XCR1: variants seen among roughly 807,000 people sequenced by gnomAD.
XCR1 encodes chemokine XC receptor 1.
For synonymous variants in XCR1, 187 were observed against 188.5 expected (o/e 0.99, Z 0.06); for missense variants, 356 against 424.2 (o/e 0.84, Z 1.41).
At chr3:46,064,201 C>G (rs1441016845) in intron 4 of XCR1, among the ~76,000 whole-genome samples, 1 of 152,088 alleles carries the variant, frequency 6.6e-6, no homozygotes, top group Non-Finnish European at 1.5e-5. Flanking sequence ...ATAATAATAC[C>G]AGTATTCAAC....
intron 5 of XCR1, among the ~76,000 whole-genome samples, chr3:46,047,111 G>T (rs1247639610): frequency 6.6e-6 from 1 of 152,168 alleles, no homozygotes; most frequent in Non-Finnish European, 1.5e-5. Context: ...GCCACACTTG[G>T]TAGGCTGTGT....
chr3:46,047,046 G>A (rs1697647558), intron 5 of XCR1, among the ~76,000 whole-genome samples: 3 of 152,302 alleles, frequency 2.0e-5, no homozygotes, highest in Middle Eastern at 6.8e-3. Context: ...TAGAACCGTG[G>A]ATTTCAACAT....
chr3:46,084,154 C>A (rs770177776), intron 1 of XCR1, among the ~76,000 whole-genome samples: 7 of 152,136 alleles, frequency 4.6e-5, no homozygotes, highest in Non-Finnish European at 1.0e-4. Flanking sequence ...CCTGATTCAG[C>A]TTTTTGGTGC....
upstream of XCR1, among the ~76,000 whole-genome samples, chr3:46,031,140 G>A (rs1410758936): frequency 6.6e-6 from 1 of 152,208 alleles, no homozygotes; most frequent in Non-Finnish European, 1.5e-5. Flanking sequence ...AGGCACAACT[G>A]CAGCTGCTGA....
At chr3:46,023,076 G>A (rs1388325399) in intron 1 of XCR1, among the ~76,000 whole-genome samples, 3 of 152,228 alleles carry the variant, frequency 2.0e-5, no homozygotes, top group Non-Finnish European at 4.4e-5. Flanking sequence ...TCAATAATTT[G>A]GAAATAATTT....
intron 1 of XCR1, among the ~76,000 whole-genome samples, chr3:46,022,513 G>C (rs1708178287): frequency 6.6e-6 from 1 of 152,220 alleles, no homozygotes; most frequent in African/African-American, 2.4e-5. Flanking sequence ...CTTAAGGGCT[G>C]CTTTAATGTT....
chr3:46,077,835 C>G (rs184964927), intron 1 of XCR1, among the ~76,000 whole-genome samples: 38 of 152,208 alleles, frequency 2.5e-4, no homozygotes, highest in African/African-American at 8.7e-4. Context: ...GAACAGAATA[C>G]CAAATACCGC....
At chr3:46,035,709 A>G (rs1428738834) in intron 5 of XCR1, among the ~76,000 whole-genome samples, 3 of 152,218 alleles carry the variant, frequency 2.0e-5, no homozygotes, top group African/African-American at 7.2e-5. Context: ...TTGTGGGCCC[A>G]GACAGCAGGA....
At chr3:46,083,942 T>C (rs978861939) in intron 1 of XCR1, among the ~76,000 whole-genome samples, 1 of 152,244 alleles carries the variant, frequency 6.6e-6, no homozygotes, top group African/African-American at 2.4e-5. Flanking sequence ...CATTCTGGCA[T>C]AAAAATTCTC....
chr3:46,055,900 G>A (rs1198104969), intron 4 of XCR1, among the ~76,000 whole-genome samples: 1 of 152,204 alleles, frequency 6.6e-6, no homozygotes, highest in Non-Finnish European at 1.5e-5. Flanking sequence ...TTGCAGATAA[G>A]CCAGCAGAGG....
chr3:46,032,102 C>G (rs1166582507), upstream of XCR1, among the ~76,000 whole-genome samples: 1 of 152,244 alleles, frequency 6.6e-6, no homozygotes, highest in Non-Finnish European at 1.5e-5. Context: ...GTTTGCAGGA[C>G]AAGAACTTTG....
chr3:46,054,448 A>C (rs1697813286), intron 4 of XCR1, among the ~76,000 whole-genome samples: 1 of 152,136 alleles, frequency 6.6e-6, no homozygotes, highest in African/African-American at 2.4e-5. Context: ...TGAGTTGGTC[A>C]GTCCCACGGG....
chr3:46,057,936 G>A (rs4094197), intron 4 of XCR1, among the ~76,000 whole-genome samples: 1 of 113,998 alleles, frequency 8.8e-6, no homozygotes, highest in African/African-American at 5.2e-5. Flanking sequence ...ATCTATCTAC[G>A]CATCCATCTA....
chr3:46,035,902 C>A (rs1032819884), intron 5 of XCR1, among the ~76,000 whole-genome samples: 3 of 152,066 alleles, frequency 2.0e-5, no homozygotes, highest in African/African-American at 4.8e-5. Flanking sequence ...GCAGGATGTG[C>A]TCCTCTCAAT....
At chr3:46,057,755 G>A (rs1440408392) in intron 4 of XCR1, among the ~76,000 whole-genome samples, 1 of 152,160 alleles carries the variant, frequency 6.6e-6, no homozygotes, top group Non-Finnish European at 1.5e-5. Context: ...TTACCTGAGA[G>A]TTCCAGCCTG....
chr3:46,079,934 C>A lies in XCR1; in HGVS notation c.-514-3008G>T, dbSNP rs149855488. On this transcript the variant is annotated intron_variant, in intron 1 of 5. Transcript: ENST00000683768. ...TTTGGAAAAACAAACAGAAGCTGAC[C>A]ATGAGAAGATCCACACTTTAGCCAA... Among the ~76,000 whole-genome samples the A allele has an allele frequency of 3.9e-4, 59 of 151,920 alleles. No individual in the cohort carries two copies. In the East Asian group the frequency reaches 6.8e-3, roughly 17 times the overall value.
intron 4 of XCR1, among the ~76,000 whole-genome samples, chr3:46,060,090 A>G (rs1697932676): frequency 1.3e-5 from 2 of 152,262 alleles, no homozygotes; most frequent in Non-Finnish European, 2.9e-5. Context: ...CCGTACAAAC[A>G]TATAACAAAA....
At chr3:46,083,831 C>A (rs1698421793) in intron 1 of XCR1, among the ~76,000 whole-genome samples, 2 of 152,142 alleles carry the variant, frequency 1.3e-5, no homozygotes, top group African/African-American at 4.8e-5. Context: ...TAGGAAAAAT[C>A]AGGGAAGAAG....
At chr3:46,049,690 T>G (rs557517142) in intron 5 of XCR1, among the ~76,000 whole-genome samples, 2 of 152,314 alleles carry the variant, frequency 1.3e-5, no homozygotes, top group East Asian at 3.9e-4. Context: ...TTGAGTATGT[T>G]TTGGTCCATA....
Sources: gnomAD v4.1 joint callset for allele counts (sites outside exome capture counted in the v4.1 genomes callset) on GRCh38, gnomAD v4.1.1 for gene constraint, MANE v1.5 for transcripts, NCBI Gene and HGNC (gene_info 2026-07-23, HGNC 2026-07-21) for gene names.